Variants in NELL2 observed in about 807,000 individuals in gnomAD.
The protein encoded by NELL2 is protein kinase C-binding protein NELL2.
NELL2 carries 41 observed loss-of-function variants against 109.6 expected under a neutral mutation model. The ratio of observed to expected loss-of-function variants is 0.37; its 90% confidence interval spans 0.29 to 0.49. The LOEUF (loss-of-function observed/expected upper bound fraction) is 0.49, where lower values mean the gene tolerates loss of function less well. Among genes scored for constraint, NELL2 ranks in the 20% least tolerant of loss-of-function variants. The probability of loss-of-function intolerance (pLI) is 0.98; values close to 1 mark genes in which losing one functional copy is unlikely to be tolerated. For missense variants in NELL2, 900 were observed against 1,008.3 expected (o/e 0.89, Z 1.45); for synonymous variants, 355 against 344.7 (o/e 1.03, Z -0.33).
At chr12:44,544,954 G>A (rs1009067015) in intron 15 of NELL2, among the ~76,000 whole-genome samples, 1 of 151,996 alleles carries the variant, frequency 6.6e-6, no homozygotes, top group African/African-American at 2.4e-5. Context: ...GAAAACTGAG[G>A]GGACTGGAAA....
chr12:44,745,313 C>A (rs149790069), intron 9 of NELL2, among the ~76,000 whole-genome samples: 8,106 of 151,938 alleles, frequency 0.053, 677 homozygotes, highest in African/African-American at 0.18. Flanking sequence ...AAATAATAAG[C>A]GCAATCTATG....
At chr12:44,821,893 A>T (rs1357674418) in intron 2 of NELL2, among the ~76,000 whole-genome samples, 1 of 126,952 alleles carries the variant, frequency 7.9e-6, no homozygotes, top group South Asian at 2.4e-4. Context: ...GGTTTTATTT[A>T]TTTATTTATT....
chr12:44,597,394 T>C (rs1233120176), intron 15 of NELL2, among the ~76,000 whole-genome samples: 1 of 152,236 alleles, frequency 6.6e-6, no homozygotes, highest in African/African-American at 2.4e-5. Flanking sequence ...CTTAAAACTA[T>C]TGGCCCAAAG....
chr12:44,803,737 T>A (rs975622014), intron 3 of NELL2, among the ~76,000 whole-genome samples: 2 of 151,898 alleles, frequency 1.3e-5, no homozygotes, highest in Non-Finnish European at 2.9e-5. Flanking sequence ...ATAGCAAGAG[T>A]CTCATTTAAA....
At chr12:44,919,170 C>T (rs890589967) in intron 1 of NELL2, among the ~76,000 whole-genome samples, 1 of 152,144 alleles carries the variant, frequency 6.6e-6, no homozygotes, top group Non-Finnish European at 1.5e-5. Context: ...ATACAACTGC[C>T]TATCTGTAAC....
intron 15 of NELL2, among the ~76,000 whole-genome samples, chr12:44,552,125 A>G (rs879736290): frequency 1.3e-5 from 2 of 152,212 alleles, no homozygotes; most frequent in African/African-American, 2.4e-5. Context: ...AAGTAAGGCA[A>G]ATTTTAAAAA....
intron 9 of NELL2, among the ~76,000 whole-genome samples, chr12:44,718,455 T>G (rs1423346585): frequency 1.3e-5 from 2 of 152,214 alleles, no homozygotes; most frequent in African/African-American, 4.8e-5. Context: ...ACCATGTTAA[T>G]TGCATGCACA....
chr12:44,579,049 T>C (rs907393179), intron 15 of NELL2, among the ~76,000 whole-genome samples: 1 of 152,202 alleles, frequency 6.6e-6, no homozygotes, highest in African/African-American at 2.4e-5. Flanking sequence ...GATTTTGATA[T>C]GTCCTTTTCA....
At chr12:44,815,881 C>T in intron 3 of NELL2, 105 bp downstream of exon 3, 3 of 1,310,498 alleles carry the variant, frequency 2.3e-6, no homozygotes, top group Non-Finnish European at 3.1e-6. Flanking sequence ...CTTCCCAAAT[C>T]ATAAAGAGAT....
chr12:44,568,538 A>G (rs1471881026), intron 15 of NELL2, among the ~76,000 whole-genome samples: 5 of 152,098 alleles, frequency 3.3e-5, no homozygotes. Flanking sequence ...ATAATGTTTA[A>G]AAGATAATAA....
At chr12:44,844,080 C>T (rs1944303563) in intron 2 of NELL2, among the ~76,000 whole-genome samples, 1 of 152,128 alleles carries the variant, frequency 6.6e-6, no homozygotes, top group Admixed American at 6.5e-5. Context: ...GGATGGAATG[C>T]TGTGACTTCA....
At chr12:44,651,259 G>A (rs907544790) in intron 13 of NELL2, among the ~76,000 whole-genome samples, 8 of 152,306 alleles carry the variant, frequency 5.3e-5, no homozygotes, top group East Asian at 1.9e-4. Flanking sequence ...TTTAAGACAC[G>A]CAGTCAATGG....
At chr12:44,812,749 A>G (rs1481877112) in intron 3 of NELL2, among the ~76,000 whole-genome samples, 2 of 152,180 alleles carry the variant, frequency 1.3e-5, no homozygotes, top group Non-Finnish European at 2.9e-5. Context: ...GGGCATTAGT[A>G]AAAAGACTCA....
At chr12:44,672,518 G>T (rs1948175202) in intron 12 of NELL2, among the ~76,000 whole-genome samples, 1 of 152,204 alleles carries the variant, frequency 6.6e-6, no homozygotes, top group Admixed American at 6.5e-5. Flanking sequence ...GAGGCAAAAA[G>T]ACTGGGGACT....
intron 9 of NELL2, among the ~76,000 whole-genome samples, chr12:44,724,506 T>C (rs1938961816): frequency 6.6e-6 from 1 of 151,724 alleles, no homozygotes; most frequent in Non-Finnish European, 1.5e-5. Flanking sequence ...CCATTCACAA[T>C]TGCCACAAAA....
intron 3 of NELL2, among the ~76,000 whole-genome samples, chr12:44,801,617 T>C (rs1403986532): frequency 6.6e-6 from 1 of 152,126 alleles, no homozygotes; most frequent in African/African-American, 2.4e-5. Context: ...CCCATTTCCT[T>C]GTCTGTAAGA....
chr12:44,582,953 GCTCA>G (rs1484849177), intron 15 of NELL2, among the ~76,000 whole-genome samples: 1 of 152,106 alleles, frequency 6.6e-6, no homozygotes, highest in African/African-American at 2.4e-5. Context: ...TTGCTCTTGT[GCTCA>G]CTTGCCCTTC....
chr12:44,611,736 A>AGT (rs1179272091), intron 13 of NELL2, among the ~76,000 whole-genome samples: 5 of 152,036 alleles, frequency 3.3e-5, no homozygotes, highest in Admixed American at 2.6e-4. Flanking sequence ...GGTGGCTCAG[A>AGT]GTGTTTAAGT....
At chr12:44,681,293 G>A (rs1408579102) in intron 12 of NELL2, among the ~76,000 whole-genome samples, 3 of 148,390 alleles carry the variant, frequency 2.0e-5, no homozygotes, top group South Asian at 2.1e-4. Flanking sequence ...TTTTTTTAAC[G>A]TTGAAACACT....
Sources: gnomAD v4.1 joint callset for allele counts (sites outside exome capture counted in the v4.1 genomes callset) on GRCh38, gnomAD v4.1.1 for gene constraint, MANE v1.5 for transcripts, NCBI Gene and HGNC (gene_info 2026-07-23, HGNC 2026-07-21) for gene names.